The following SLX4IP variants were observed in gnomAD, a reference collection of about 807,000 sequenced individuals.
SLX4IP encodes the protein protein SLX4IP.
In SLX4IP, 34 loss-of-function variants were observed where a neutral mutation model predicts 32.9. That is an observed-to-expected ratio of 1.03 (90% CI 0.79 to 1.38). The LOEUF is 1.38. SLX4IP is among the 40% of genes most tolerant of loss of function. The pLI, the probability that SLX4IP is intolerant of heterozygous loss-of-function variation, is 0.00. For synonymous variants in SLX4IP, 172 were observed against 171.7 expected (o/e 1.00, Z -0.01); for missense variants, 444 against 479.0 (o/e 0.93, Z 0.68).
chr20:10,602,924 C>CA (rs1442331390), intron 6 of SLX4IP, among the ~76,000 whole-genome samples: 1 of 152,194 alleles, frequency 6.6e-6, no homozygotes, highest in Non-Finnish European at 1.5e-5. Flanking sequence ...GAACCCTTTG[C>CA]AACAGCCAGT....
intron 2 of SLX4IP, among the ~76,000 whole-genome samples, chr20:10,525,279 T>C (rs1473957945): frequency 1.3e-5 from 2 of 152,186 alleles, no homozygotes; most frequent in East Asian, 1.9e-4. Flanking sequence ...CCAAATCCTG[T>C]ACTCCAGAAG....
At chr20:10,447,351 T>A (rs1476809273) in intron 1 of SLX4IP, among the ~76,000 whole-genome samples, 1 of 152,236 alleles carries the variant, frequency 6.6e-6, no homozygotes, top group Non-Finnish European at 1.5e-5. Flanking sequence ...TTCTTCCTTT[T>A]CTAGAAGTGT....
At chr20:10,528,754 C>A (rs1463680953) in intron 2 of SLX4IP, among the ~76,000 whole-genome samples, 1 of 152,206 alleles carries the variant, frequency 6.6e-6, no homozygotes, top group East Asian at 1.9e-4. Context: ...GATCCACACC[C>A]AACCAGAGTG....
In SLX4IP at chr20:10,625,412, G is replaced by A. The variant is rs1013935211; in HGVS notation, c.*2033G>A. ...TAGCCACTGCCTGCTCCAGAACTAG[G>A]GGGGAGATATTTGAGCTGGAGCCAC... is the stretch of plus-strand genomic sequence containing the variant. On this transcript the variant is annotated 3_prime_UTR_variant, in exon 8 of 8. Coordinates refer to ENST00000334534, the MANE Select transcript of SLX4IP (RefSeq NM_001009608.3). 1 of 152,198 alleles carries A rather than the reference G, an allele frequency of 6.6e-6. No individual in the cohort carries two copies. Among genetic ancestry groups the A allele is most frequent in the Non-Finnish European group, 1.5e-5 (1 of 68,026 alleles). The allele number at this position is 152,198 out of a possible 1,614,324, so 9.4% of individuals were successfully genotyped here. A position where few individuals can be genotyped will look rare whatever the true frequency, so the allele number is the denominator to read the frequency against.
intron 2 of SLX4IP, among the ~76,000 whole-genome samples, chr20:10,483,581 A>T (rs551288663): frequency 2.6e-5 from 4 of 152,212 alleles, no homozygotes; most frequent in Admixed American, 6.5e-5. Flanking sequence ...ATTAATTTTA[A>T]TTACATATTA....
At chr20:10,598,218 C>T (rs1400687795) in intron 4 of SLX4IP, among the ~76,000 whole-genome samples, 2 of 152,168 alleles carry the variant, frequency 1.3e-5, no homozygotes, top group South Asian at 4.1e-4. Flanking sequence ...TAGTAATGTT[C>T]ACCCTTGCCT....
At chr20:10,599,275 A>AT (rs1265122789) in intron 5 of SLX4IP, among the ~76,000 whole-genome samples, 1 of 152,194 alleles carries the variant, frequency 6.6e-6, no homozygotes, top group Non-Finnish European at 1.5e-5. Context: ...TGGAAAGAAA[A>AT]TTTAGTTCAC....
At chr20:10,492,534 A>G (rs562957051) in intron 2 of SLX4IP, among the ~76,000 whole-genome samples, 1 of 152,268 alleles carries the variant, frequency 6.6e-6, no homozygotes, top group South Asian at 2.1e-4. Context: ...ATCTTTTGAC[A>G]TAACTGCTAT....
intron 2 of SLX4IP, among the ~76,000 whole-genome samples, chr20:10,537,517 C>A (rs1477141097): frequency 1.3e-5 from 2 of 152,120 alleles, no homozygotes; most frequent in Admixed American, 6.5e-5. Flanking sequence ...TGCAGTTTGG[C>A]CCGAAGAGTA....
At chr20:10,511,382 G>A (rs775934396) in intron 2 of SLX4IP, among the ~76,000 whole-genome samples, 19 of 152,148 alleles carry the variant, frequency 1.2e-4, no homozygotes, top group African/African-American at 4.1e-4. Flanking sequence ...CTGCCCTAGG[G>A]ATACTGTCAG....
intron 1 of SLX4IP, among the ~76,000 whole-genome samples, chr20:10,450,908 C>T (rs973646283): frequency 5.9e-5 from 9 of 151,334 alleles, no homozygotes; most frequent in Non-Finnish European, 1.3e-4. Flanking sequence ...CCCGCCACTA[C>T]GCCCGGGTAA....
At chr20:10,443,236 A>G (rs2065172614) in intron 1 of SLX4IP, among the ~76,000 whole-genome samples, 1 of 152,218 alleles carries the variant, frequency 6.6e-6, no homozygotes, top group Non-Finnish European at 1.5e-5. Flanking sequence ...AACAAAAACA[A>G]AAACAAAAAA....
At chr20:10,503,217 T>C (rs1272826396) in intron 2 of SLX4IP, among the ~76,000 whole-genome samples, 1 of 152,176 alleles carries the variant, frequency 6.6e-6, no homozygotes, top group Non-Finnish European at 1.5e-5. Context: ...CAAGGGTGTA[T>C]ATGATGCAGT....
intron 1 of SLX4IP, among the ~76,000 whole-genome samples, chr20:10,436,308 A>T (rs904450363): frequency 2.0e-5 from 3 of 152,118 alleles, no homozygotes; most frequent in Admixed American, 1.3e-4. Flanking sequence ...TGTACCTTAA[A>T]GTTCAAGGAA....
intron 6 of SLX4IP, among the ~76,000 whole-genome samples, chr20:10,611,067 G>A (rs1052682247): frequency 6.6e-6 from 1 of 152,150 alleles, no homozygotes; most frequent in Admixed American, 6.5e-5. Context: ...AAATCATGAG[G>A]TGTCCACTAA....
At chr20:10,590,739 G>A (rs1045924501) in intron 4 of SLX4IP, among the ~76,000 whole-genome samples, 7 of 152,142 alleles carry the variant, frequency 4.6e-5, no homozygotes, top group Admixed American at 3.3e-4. Flanking sequence ...GTAAGGTTAA[G>A]GACCTGGGTT....
chr20:10,501,369 A>G (rs1215161121), intron 2 of SLX4IP, among the ~76,000 whole-genome samples: 1 of 152,132 alleles, frequency 6.6e-6, no homozygotes, highest in Non-Finnish European at 1.5e-5. Flanking sequence ...CTTTCAAAAA[A>G]AGATGCTAAT....
At chr20:10,577,253 A>T (rs924885019) in intron 4 of SLX4IP, among the ~76,000 whole-genome samples, 7 of 152,150 alleles carry the variant, frequency 4.6e-5, no homozygotes, top group Non-Finnish European at 1.0e-4. Context: ...TCATAACAAA[A>T]GTGTACAGAA....
intron 2 of SLX4IP, among the ~76,000 whole-genome samples, chr20:10,461,282 G>T (rs1304143478): frequency 6.6e-6 from 1 of 152,212 alleles, no homozygotes; most frequent in East Asian, 1.9e-4. Flanking sequence ...CAAGAGATGG[G>T]TCTGTTCCAT....
Sources: gnomAD v4.1 joint callset for allele counts (sites outside exome capture counted in the v4.1 genomes callset) on GRCh38, gnomAD v4.1.1 for gene constraint, MANE v1.5 for transcripts, NCBI Gene and HGNC (gene_info 2026-07-23, HGNC 2026-07-21) for gene names.